Variants in SLC25A13 observed in about 807,000 individuals in gnomAD.
SLC25A13 encodes the protein solute carrier family 25 member 13.
In SLC25A13, 70 loss-of-function variants were observed where a neutral mutation model predicts 85.5. The ratio of observed to expected loss-of-function variants is 0.82; its 90% CI spans 0.68 to 1.00. The LOEUF is 1.00. Ranked by LOEUF, SLC25A13 falls within the 50% of genes least tolerant of loss-of-function variation. The pLI, the probability that SLC25A13 is intolerant of heterozygous loss-of-function variation, is 0.00. For synonymous variants in SLC25A13, 259 were observed against 288.7 expected (o/e 0.90, Z 1.04); for missense variants, 765 against 819.8 (o/e 0.93, Z 0.82).
intron 15 of SLC25A13, among the ~76,000 whole-genome samples, chr7:96,126,984 A>G (rs796175834): frequency 6.6e-6 from 1 of 152,242 alleles, no homozygotes; most frequent in Non-Finnish European, 1.5e-5. Flanking sequence ...AAGCATCATG[A>G]TCACACATGT....
At chr7:96,309,828 T>A (rs1183616011) in intron 1 of SLC25A13, 1 of 152,242 alleles carries the variant, frequency 6.6e-6, no homozygotes, top group African/African-American at 2.4e-5. Context: ...CTAATTCATA[T>A]GTTGAAGTTC....
intron 11 of SLC25A13, among the ~76,000 whole-genome samples, chr7:96,179,485 C>A (rs1173771045): frequency 6.6e-6 from 1 of 152,216 alleles, no homozygotes; most frequent in Non-Finnish European, 1.5e-5. Context: ...CACCTTAGAT[C>A]CAGTGTGTGT....
At chr7:96,314,945 G>A (rs1446536033) in intron 1 of SLC25A13, among the ~76,000 whole-genome samples, 1 of 152,146 alleles carries the variant, frequency 6.6e-6, no homozygotes, top group Non-Finnish European at 1.5e-5. Flanking sequence ...CCTGGATGAG[G>A]TTAGCCCAGG....
At chr7:96,321,529 T>C (rs1176007318) in intron 1 of SLC25A13, among the ~76,000 whole-genome samples, 1 of 152,156 alleles carries the variant, frequency 6.6e-6, no homozygotes, top group Non-Finnish European at 1.5e-5. Context: ...CTCTGGCCCC[T>C]GGAAGAAGCC....
In SLC25A13 at chr7:96,189,328, G is replaced by C; in HGVS notation, c.899C>G (p.Thr300Ser). The part of the protein sequence containing the change: ...IERIAPLEEG[T>S]LPFNLAEAQR... ...GGCCTCAGCCAAGTTAAAGGGCAGA[G>C]TTCCCTCTTCCAGAGGAGCAATCCG... Residue 300 changes from threonine (T) to serine (S), a missense_variant, in exon 9 of 18, where the codon ACT becomes AGT. By Grantham distance (58) the Thr-to-Ser change is moderately conservative. Coordinates refer to ENST00000265631, the MANE Select transcript of SLC25A13 (RefSeq NM_014251.3). 6.2e-7 allele frequency: 1 copy of C among 1,614,206 alleles called. No individual in the cohort carries two copies. Among genetic ancestry groups the C allele is most frequent in the Non-Finnish European group, 8.5e-7 (1 of 1,180,012 alleles).
chr7:96,122,582 T>G (rs929883122), intron 15 of SLC25A13, among the ~76,000 whole-genome samples: 1 of 152,058 alleles, frequency 6.6e-6, no homozygotes, highest in African/African-American at 2.4e-5. Flanking sequence ...GGTGGAGGTT[T>G]CGGGGAGGGG....
intron 4 of SLC25A13, among the ~76,000 whole-genome samples, chr7:96,225,936 C>T (rs1453756362): frequency 3.3e-5 from 5 of 151,664 alleles, no homozygotes; most frequent in African/African-American, 7.3e-5. Context: ...TTTCTGCCTG[C>T]GACAGTCTCC....
intron 1 of SLC25A13, among the ~76,000 whole-genome samples, chr7:96,304,849 A>C (rs1009527020): frequency 3.9e-5 from 6 of 152,348 alleles, no homozygotes; most frequent in African/African-American, 1.4e-4. Flanking sequence ...CAAGCAGGGA[A>C]AGCTGACTTA....
At chr7:96,309,649 T>C (rs1262879462) in intron 1 of SLC25A13, 2 of 152,238 alleles carry the variant, frequency 1.3e-5, no homozygotes, top group Non-Finnish European at 2.9e-5. Context: ...CTCTGAGGCA[T>C]ATCTGTGTCC....
intron 15 of SLC25A13, among the ~76,000 whole-genome samples, chr7:96,122,531 T>C (rs554621012): frequency 6.6e-6 from 1 of 152,102 alleles, no homozygotes. Flanking sequence ...AAAAAGACTT[T>C]ACTGATATCT....
intron 4 of SLC25A13, among the ~76,000 whole-genome samples, chr7:96,228,110 C>T (rs1339072930): frequency 6.6e-6 from 1 of 152,128 alleles, no homozygotes; most frequent in Non-Finnish European, 1.5e-5. Context: ...GTGATCCACC[C>T]GCCTTGGCCT....
At chr7:96,153,625 A>G (rs901939432) in intron 13 of SLC25A13, among the ~76,000 whole-genome samples, 1 of 152,172 alleles carries the variant, frequency 6.6e-6, no homozygotes, top group Non-Finnish European at 1.5e-5. Flanking sequence ...CCACGACTGT[A>G]GAAGATAAAT....
rs59749381 is a variant in SLC25A13 at position 96,139,945 on chromosome 7, C to CTTTTTT, written c.1452+6605_1452+6610dup. On this transcript the variant is annotated intron_variant, in intron 14 of 17. Transcript: ENST00000265631. ...CTCCTTCAGATATCTGATTTCCATT[C>CTTTTTT]TTTTTTTTTTTTTTTTTTTTTTTTT... Among the ~76,000 whole-genome samples the CTTTTTT allele has an allele frequency of 1.6e-3, 135 of 86,370 alleles. 2 individuals carry two copies. The highest frequency in any genetic ancestry group is 2.2e-3 in the African/African-American group (49 of 22,330). 56.7% of individuals were successfully genotyped at this position (86,370 alleles called of 152,430 possible). A position where few individuals can be genotyped will look rare whatever the true frequency, so the allele number is the denominator to read the frequency against.
At chr7:96,230,865 T>C (rs1272455521) in intron 4 of SLC25A13, among the ~76,000 whole-genome samples, 1 of 152,176 alleles carries the variant, frequency 6.6e-6, no homozygotes, top group Non-Finnish European at 1.5e-5. Context: ...TCCCAACACT[T>C]TGGGAGGCCA....
intron 3 of SLC25A13, among the ~76,000 whole-genome samples, 197 bp from the exon 4 acceptor site, chr7:96,235,114 A>G (rs1303568674): frequency 6.6e-6 from 1 of 152,248 alleles, no homozygotes; most frequent in Admixed American, 6.5e-5. Flanking sequence ...AAAAGACATG[A>G]CAGCATTGAC....
At chr7:96,229,660 G>A (rs562801199) in intron 4 of SLC25A13, among the ~76,000 whole-genome samples, 20 of 152,210 alleles carry the variant, frequency 1.3e-4, no homozygotes, top group African/African-American at 4.6e-4. Context: ...CCACCGGGAG[G>A]TATGAACAAC....
In SLC25A13 at chr7:96,234,930, ACAAACATAAAG is replaced by A; in HGVS notation, c.213-24_213-14del. 1 of 1,600,344 alleles carries A rather than the reference ACAAACATAAAG, an allele frequency of 6.2e-7. No homozygotes were observed. Among genetic ancestry groups the A allele is most frequent in the Non-Finnish European group, 8.6e-7 (1 of 1,168,004 alleles). On this transcript the variant is annotated splice_polypyrimidine_tract_variant and intron_variant, in intron 3 of 17. Transcript: ENST00000265631. ...AAAAGATATTAATCTGCAACATAAAACAAACATAAAGCAAAAGTCAGTAGCTTGTGGAAAAC... is the reference window on the plus strand; with the variant it reads ...AAAAGATATTAATCTGCAACATAAAACAAAAGTCAGTAGCTTGTGGAAAAC...
At chr7:96,274,448 T>C (rs981577494) in intron 3 of SLC25A13, among the ~76,000 whole-genome samples, 2 of 152,186 alleles carry the variant, frequency 1.3e-5, no homozygotes, top group African/African-American at 4.8e-5. Flanking sequence ...TTTTCTCCCA[T>C]TCTGTAGGTT....
In SLC25A13 at chr7:96,146,655, G is replaced by A. The variant is rs267601652; in HGVS notation, c.1353C>T (p.Ile451=). ...CTGCCACTTGCAAACGGATCTTGACGATTTCTAAAGGATTTGTGAAAATCA... is the reference window on the plus strand; with the variant it reads ...CTGCCACTTGCAAACGGATCTTGACAATTTCTAAAGGATTTGTGAAAATCA... ...SQVIFTNPLE[I]VKIRLQVAGE... is the part of the protein sequence containing the mutation. Residue 451 remains isoleucine (I), a synonymous_variant, in exon 14 of 18, where the codon ATC becomes ATT. Transcript: ENST00000265631. 1.2e-5 allele frequency: 20 copies of A among 1,613,894 alleles called. No individual in the cohort carries two copies. The highest frequency in any genetic ancestry group is 1.5e-5 in the Non-Finnish European group (18 of 1,179,984).
Sources: allele counts gnomAD v4.1 joint callset (sites outside exome capture counted in the v4.1 genomes callset), GRCh38; gene constraint gnomAD v4.1.1; transcripts MANE v1.5; gene names NCBI Gene and HGNC (gene_info 2026-07-23, HGNC 2026-07-21).